CD244: variants seen among roughly 807,000 people sequenced by gnomAD.
The protein encoded by CD244 is CD244 molecule.
Under a neutral mutation model 45.5 loss-of-function variants are expected in CD244, and 20 were observed. The ratio of observed to expected loss-of-function variants is 0.44; its 90% confidence interval spans 0.31 to 0.64. The LOEUF is 0.64. Ranked by LOEUF, CD244 falls within the 30% of genes least tolerant of loss-of-function variation. The pLI, the probability that CD244 is intolerant of heterozygous loss-of-function variation, is 0.08. For missense variants in CD244, 407 were observed against 426.9 expected (o/e 0.95, Z 0.41); for synonymous variants, 185 against 160.5 (o/e 1.15, Z -1.15).
rs1669540379 is a variant in CD244, at chr1:160,841,499, T to C, written c.380-14A>G. On this transcript the variant is annotated splice_polypyrimidine_tract_variant and intron_variant, in intron 2 of 8. Transcript: ENST00000368034. ...TCTCAACTTTATCTGGAAGCAGAGA[T>C]TCTGATCAGAAAGGCATTGGAAATA... 2 of 1,613,818 alleles carry C rather than the reference T, an allele frequency of 1.2e-6. No individual in the cohort carries two copies. Among genetic ancestry groups the C allele is most frequent in the African/African-American group, 1.3e-5 (1 of 74,992 alleles).
At position 160,830,568 on chromosome 1, in the gene CD244, A is replaced by G. The variant is rs1009175659; in HGVS notation, c.*779T>C. 6.6e-6 allele frequency: 1 copy of G among 152,396 alleles called. No individual in the cohort carries two copies. The highest frequency in any genetic ancestry group is 1.9e-4 in the East Asian group (1 of 5,334). 9.4% of individuals were successfully genotyped at this position (152,396 alleles called of 1,614,324 possible). A position where few individuals can be genotyped will look rare whatever the true frequency, so the allele number is the denominator to read the frequency against. On this transcript the variant is annotated 3_prime_UTR_variant, in exon 9 of 9. Coordinates refer to ENST00000368034, the MANE Select transcript of CD244 (RefSeq NM_016382.4). ...CCTCTTCCTCTGGGAAGCCACTTCTATGAAGAAGCCAAATGGATTTCTAAC... is the reference window on the plus strand; with the variant it reads ...CCTCTTCCTCTGGGAAGCCACTTCTGTGAAGAAGCCAAATGGATTTCTAAC...
chr1:160,849,336 C>A (rs1355760701), intron 1 of CD244, among the ~76,000 whole-genome samples: 1 of 144,708 alleles, frequency 6.9e-6, no homozygotes, highest in Non-Finnish European at 1.5e-5. Context: ...GCAGAACATG[C>A]AGATTTGTTA....
intron 5 of CD244, among the ~76,000 whole-genome samples, chr1:160,836,658 T>C (rs1349318648): frequency 6.6e-6 from 1 of 152,180 alleles, no homozygotes; most frequent in East Asian, 1.9e-4. Context: ...CTCTAGATCA[T>C]CTTTGAGGCC....
intron 3 of CD244, 138 bp downstream of exon 3, chr1:160,841,072 G>A (rs1669524670): frequency 1.3e-6 from 1 of 794,802 alleles, no homozygotes; most frequent in Non-Finnish European, 2.0e-6. Context: ...GGAGGCCAGG[G>A]CTACCCTGGG....
chr1:160,839,109 CCTGCCTGCTGCAGGGG>C, intron 3 of CD244, 60 bp from the exon 4 acceptor site: 1 of 1,278,710 alleles, frequency 7.8e-7, no homozygotes, highest in Non-Finnish European at 1.1e-6. Flanking sequence ...TTCCTTCCCA[CCTGCCTGCTGCAGGGG>C]CTGCCTCAAA....
Position 160,839,116 on chromosome 1 carries a change from G to A in CD244, c.656-67C>T. The A allele has an allele frequency of 2.6e-6, 3 of 1,143,242 alleles. No homozygotes were observed. The East Asian group carries it at 7.3e-5, about 28-fold the overall frequency. The allele number at this position is 1,143,242 out of a possible 1,614,324, so 70.8% of individuals were successfully genotyped here. On this transcript the variant is annotated intron_variant, in intron 3 of 8. Transcript: ENST00000368034. ...CTCTCTTCTTCCTTCCCACCTGCCT[G>A]CTGCAGGGGCTGCCTCAAAACCCAC...
chr1:160,859,391 A>G (rs1670215974), intron 1 of CD244, among the ~76,000 whole-genome samples: 1 of 152,238 alleles, frequency 6.6e-6, no homozygotes, highest in South Asian at 2.1e-4. Context: ...GAATTTCGCA[A>G]TGCTCAAGAG....
At chr1:160,846,739 G>A (rs1158839293) in intron 1 of CD244, among the ~76,000 whole-genome samples, 2 of 152,140 alleles carry the variant, frequency 1.3e-5, no homozygotes, top group African/African-American at 4.8e-5. Flanking sequence ...GAAAGAATTT[G>A]TCACAAAAAG....
intron 1 of CD244, among the ~76,000 whole-genome samples, chr1:160,854,752 G>A (rs1336986197): frequency 6.6e-6 from 1 of 151,950 alleles, no homozygotes; most frequent in Admixed American, 6.6e-5. Context: ...TGCCTTTGGG[G>A]TCTTTTTAAA....
At chr1:160,840,452 A>G (rs1669497338) in intron 3 of CD244, among the ~76,000 whole-genome samples, 1 of 150,838 alleles carries the variant, frequency 6.6e-6, no homozygotes, top group Admixed American at 6.6e-5. Context: ...TAGTAGAGAC[A>G]GGGTTTCACC....
intron 1 of CD244, among the ~76,000 whole-genome samples, chr1:160,849,988 G>A (rs1669865651): frequency 6.6e-6 from 1 of 151,924 alleles, no homozygotes; most frequent in Non-Finnish European, 1.5e-5. Context: ...CTCCAGCCTG[G>A]GCAACAAGAG....
At chr1:160,840,758 C>T (rs934959119) in intron 3 of CD244, among the ~76,000 whole-genome samples, 2 of 152,074 alleles carry the variant, frequency 1.3e-5, no homozygotes, top group African/African-American at 4.8e-5. Context: ...AAGCAACAGC[C>T]CAAGAACTCA....
chr1:160,839,221 T>A, intron 3 of CD244, 172 bp from the exon 4 acceptor site: 1 of 564,910 alleles, frequency 1.8e-6, no homozygotes, highest in Middle Eastern at 3.9e-4. Flanking sequence ...TTGGTTAACC[T>A]CCTCTGAGTG....
chr1:160,832,640 G>A, intron 7 of CD244, 65 bp from the exon 8 acceptor site: 2 of 1,604,846 alleles, frequency 1.2e-6, no homozygotes, highest in East Asian at 2.2e-5. Context: ...CCTAAGTGAT[G>A]TGAGAGGTCC....
intron 1 of CD244, among the ~76,000 whole-genome samples, chr1:160,854,129 A>C (rs905996704): frequency 1.2e-4 from 18 of 152,204 alleles, no homozygotes; most frequent in Non-Finnish European, 1.5e-4. Flanking sequence ...GTGATGGAAC[A>C]TGAGTTTAAT....
Position 160,831,104 on chromosome 1 carries a change from GT to G in CD244, c.*242del, listed in dbSNP as rs1267938852. On this transcript the variant is annotated 3_prime_UTR_variant, in exon 9 of 9. Transcript: ENST00000368034. ...ACAAATACTTGGAATGTGGCCTTTT[GT>G]GAACAACCTAACCCCTCCACCCATT... The G allele has an allele frequency of 2.5e-6, 1 of 396,440 alleles. No homozygotes were observed. Among genetic ancestry groups the G allele is most frequent in the East Asian group, 3.8e-5 (1 of 26,156 alleles). 24.6% of individuals were successfully genotyped at this position (396,440 alleles called of 1,614,324 possible).
At position 160,836,202 on chromosome 1, in the gene CD244, T is replaced by C; in HGVS notation, c.887A>G (p.Gln296Arg). 5 of 1,613,574 alleles carry C rather than the reference T, an allele frequency of 3.1e-6. No individual in the cohort carries two copies. The highest frequency in any genetic ancestry group is 3.4e-6 in the Non-Finnish European group (4 of 1,179,478). Residue 296 changes from glutamine to arginine, a missense_variant, in exon 6 of 9, where the codon CAG (glutamine) becomes CGG (arginine). Coordinates refer to ENST00000368034, the MANE Select transcript of CD244 (RefSeq NM_016382.4). ...GGGSTIYSMI[Q>R]SQSSAPTSQE... Reference sequence around the variant, plus strand: ...GAGAAACTGGAGAGGTACCTGGGACTGGATCATAGAGTAGATGGTGCTCCC... The same window carrying C: ...GAGAAACTGGAGAGGTACCTGGGACCGGATCATAGAGTAGATGGTGCTCCC...
chr1:160,850,870 A>G (rs1460628703), intron 1 of CD244, among the ~76,000 whole-genome samples: 2 of 152,236 alleles, frequency 1.3e-5, no homozygotes, highest in Non-Finnish European at 2.9e-5. Flanking sequence ...TGCAAGCTCC[A>G]GATTGTTTTA....
intron 5 of CD244, 87 bp from the exon 6 acceptor site, chr1:160,836,341 G>T (rs1669333187): frequency 1.5e-5 from 15 of 1,028,308 alleles, no homozygotes; most frequent in Non-Finnish European, 2.3e-5. Context: ...GCACAAAGAA[G>T]AGGGCTTTTC....
Sources: gnomAD v4.1 joint callset for allele counts (sites outside exome capture counted in the v4.1 genomes callset) on GRCh38, gnomAD v4.1.1 for gene constraint, MANE v1.5 for transcripts, NCBI Gene and HGNC (gene_info 2026-07-23, HGNC 2026-07-21) for gene names.